KDR: variants seen among roughly 807,000 people sequenced by gnomAD.
KDR encodes the protein kinase insert domain receptor, also known as vascular endothelial growth factor receptor 2.
KDR carries 43 observed loss-of-function variants against 160.9 expected under a neutral mutation model. That is an observed-to-expected ratio of 0.27 (90% confidence interval 0.21 to 0.34). The LOEUF (loss-of-function observed/expected upper bound fraction) is 0.34, where lower values mean the gene tolerates loss of function less well. Ranked by LOEUF, KDR falls within the 10% of genes least tolerant of loss-of-function variation. The pLI, the probability that KDR is intolerant of heterozygous loss-of-function variation, is 1.00. For synonymous variants in KDR, 617 were observed against 600.1 expected (o/e 1.03, Z -0.41); for missense variants, 1,469 against 1,666.4 (o/e 0.88, Z 2.06).
chr4:55,118,659 G>A lies in KDR; in HGVS notation c.303C>T (p.Tyr101=), dbSNP rs745850042. The stretch of plus-strand genomic sequence containing the variant: ...AGTCAGTTTCCCGGTAGAAGCACTT[G>A]TAGGCTCCAGTGTCATTTCCGATCA... The part of the protein sequence containing the change: ...PKVIGNDTGA[Y]KCFYRETDLA... The change falls in exon 3 of 30, where the codon TAC becomes TAT. Residue 101 remains tyrosine (Y), a synonymous_variant. Coordinates refer to ENST00000263923, the MANE Select transcript of KDR (RefSeq NM_002253.4). 4 of 1,614,156 alleles carry A rather than the reference G, an allele frequency of 2.5e-6. No individual in the cohort carries two copies. The South Asian group carries it at 4.4e-5, about 18-fold the overall frequency.
intron 29 of KDR, among the ~76,000 whole-genome samples, chr4:55,080,686 C>T (rs747500176): frequency 2.9e-4 from 44 of 152,192 alleles, no homozygotes; most frequent in Non-Finnish European, 5.4e-4. Flanking sequence ...ATATCAAACG[C>T]TGCTTTTTAC....
At chr4:55,091,932 T>G (rs748938988) in intron 22 of KDR, among the ~76,000 whole-genome samples, 1 of 152,230 alleles carries the variant, frequency 6.6e-6, no homozygotes, top group African/African-American at 2.4e-5. Flanking sequence ...TGGCCTACTT[T>G]TCTAATTTTA....
chr4:55,107,794 G>T lies in KDR; in HGVS notation c.1355C>A (p.Pro452His). Residue 452 changes from proline (P) to histidine (H), a missense_variant, in exon 10 of 30, where the codon CCC becomes CAC. Transcript: ENST00000263923. ...TLTCTVYAIP[P>H]PHHIHWYWQL... ...CCAATACCAGTGGATGTGATGCGGG[G>T]GAGGAATGGCATAGACCGTACATGT... The T allele has an allele frequency of 6.2e-7, 1 of 1,613,990 alleles. No individual in the cohort carries two copies. The highest frequency in any genetic ancestry group is 8.5e-7 in the Non-Finnish European group (1 of 1,179,920).
intron 16 of KDR, 62 bp downstream of exon 16, chr4:55,098,635 A>G (rs762294801): frequency 8.1e-7 from 1 of 1,227,944 alleles, no homozygotes; most frequent in Non-Finnish European, 1.2e-6. Flanking sequence ...AAAGAACCCC[A>G]GTCAGTTTTC....
At chr4:55,117,659 G>A (rs1185694936) in intron 3 of KDR, among the ~76,000 whole-genome samples, 2 of 152,176 alleles carry the variant, frequency 1.3e-5, no homozygotes, top group African/African-American at 4.8e-5. Flanking sequence ...TGTAAAAGCT[G>A]CTTCTGGGAA....
At chr4:55,093,371 G>A (rs1055399103) in intron 21 of KDR, among the ~76,000 whole-genome samples, 2 of 152,328 alleles carry the variant, frequency 1.3e-5, no homozygotes, top group East Asian at 1.9e-4. Flanking sequence ...TTAAATGGGT[G>A]TTTCAAAATC....
chr4:55,105,393 G>C (rs1326481901), intron 12 of KDR, among the ~76,000 whole-genome samples: 1 of 152,170 alleles, frequency 6.6e-6, no homozygotes. Flanking sequence ...ATCAGCTAAA[G>C]CTTATCCATA....
At chr4:55,110,175 T>C (rs1214648160) in intron 9 of KDR, among the ~76,000 whole-genome samples, 2 of 152,188 alleles carry the variant, frequency 1.3e-5, no homozygotes, top group Admixed American at 1.3e-4. Flanking sequence ...ACTTTAATCT[T>C]GCATTTGTCC....
chr4:55,115,925 G>A (rs1456837902), intron 3 of KDR, among the ~76,000 whole-genome samples: 1 of 152,152 alleles, frequency 6.6e-6, no homozygotes, highest in Non-Finnish European at 1.5e-5. Flanking sequence ...TAGATTAACA[G>A]GAAACAGCTA....
Position 55,101,361 on chromosome 4 carries a change from T to G in KDR, c.2266+536A>C, listed in dbSNP as rs187029418. ...GTTTGCTGGTTAAAAGAATACATAC[T>G]CACTGAGAAAATTTACAAAGTACAA... On this transcript the variant is annotated intron_variant, in intron 15 of 29. Coordinates refer to ENST00000263923, the MANE Select transcript of KDR (RefSeq NM_002253.4). Among the ~76,000 whole-genome samples, 60 of 152,284 alleles carry G rather than the reference T, an allele frequency of 3.9e-4. 1 individual carries two copies. The highest frequency in any genetic ancestry group is 3.4e-3 in the Admixed American group (52 of 15,298).
intron 11 of KDR, 106 bp downstream of exon 11, chr4:55,106,581 T>C (rs1720449759): frequency 1.1e-6 from 1 of 881,792 alleles, no homozygotes; most frequent in Admixed American, 1.8e-5. Flanking sequence ...CTCTATTTAA[T>C]CATCCAGACT....
chr4:55,085,027 G>C (rs1719827205), intron 27 of KDR, among the ~76,000 whole-genome samples: 1 of 152,154 alleles, frequency 6.6e-6, no homozygotes, highest in Non-Finnish European at 1.5e-5. Flanking sequence ...ACAAAATGAA[G>C]AAAATGGTAT....
Position 55,082,627 on chromosome 4 carries a change from A to T in KDR, c.3671T>A (p.Leu1224Gln), listed in dbSNP as rs1273220442. 6 of 1,612,938 alleles carry T rather than the reference A, an allele frequency of 3.7e-6. No homozygotes were observed. Among genetic ancestry groups the T allele is most frequent in the Non-Finnish European group, 4.2e-6 (5 of 1,179,096 alleles). ...YDNTAGISQY[L>Q]QNSKRKSRPV... ...CCGGCTCTTTCGCTTACTGTTCTGC[A>T]GATACTGACTGCAAAAGAACAAATA... The change falls in exon 28 of 30, where the codon CTG becomes CAG. Residue 1224 changes from leucine (L) to glutamine (Q), a missense_variant. Around this residue, in one of 7 missense-constraint regions of KDR, gnomAD observed 229 missense variants for 197.8 expected, o/e 1.16. Coordinates refer to ENST00000263923, the MANE Select transcript of KDR (RefSeq NM_002253.4).
intron 7 of KDR, among the ~76,000 whole-genome samples, chr4:55,112,458 A>C (rs1720615807): frequency 6.6e-6 from 1 of 152,046 alleles, no homozygotes; most frequent in South Asian, 2.1e-4. Context: ...TTATGTTATC[A>C]GTAGGGCTTC....
intron 12 of KDR, 141 bp from the exon 13 acceptor site, chr4:55,105,125 A>G: frequency 4.2e-6 from 3 of 709,810 alleles, no homozygotes; most frequent in Admixed American, 2.3e-5. Context: ...AACTTGACAA[A>G]CAAACTAGAC....
rs1720705229 is a variant in KDR, at chr4:55,115,284, A to G, written c.486T>C (p.Cys162=). Residue 162 remains cysteine, a synonymous_variant, in exon 4 of 30, where the codon TGT becomes TGC. Coordinates refer to ENST00000263923, the MANE Select transcript of KDR (RefSeq NM_002253.4). ...GATTGGAGGAGATGCAACTTACTGC[A>G]CAAAGTGACACGTTGAGATTTGAAA... is the stretch of plus-strand genomic sequence containing the variant. ...GSISNLNVSL[C]ARYPEKRFVP... is the part of the protein sequence containing the mutation. 1 of 1,611,688 alleles carries G rather than the reference A, an allele frequency of 6.2e-7. No homozygotes were observed. The highest frequency in any genetic ancestry group is 8.5e-7 in the Non-Finnish European group (1 of 1,177,812).
chr4:55,111,028 T>A (rs1447766304), intron 7 of KDR, among the ~76,000 whole-genome samples: 1 of 152,144 alleles, frequency 6.6e-6, no homozygotes, highest in African/African-American at 2.4e-5. Context: ...AAGTCTCAAC[T>A]CAAACACTTG....
intron 27 of KDR, among the ~76,000 whole-genome samples, chr4:55,085,429 G>A (rs565943899): frequency 6.6e-6 from 1 of 152,302 alleles, no homozygotes; most frequent in African/African-American, 2.4e-5. Context: ...ATTAGAAGGA[G>A]AAAGACTGCT....
chr4:55,115,179 G>A (rs113465760), intron 4 of KDR, 102 bp downstream of exon 4: 3 of 1,268,354 alleles, frequency 2.4e-6, no homozygotes, highest in South Asian at 1.2e-5. Context: ...CTTCCTAAAG[G>A]ATCCTTAAAA....
Sources: allele counts gnomAD v4.1 joint callset (sites outside exome capture counted in the v4.1 genomes callset), GRCh38; gene constraint gnomAD v4.1.1; regional missense constraint gnomAD v4.1.1; transcripts MANE v1.5; gene names NCBI Gene and HGNC (gene_info 2026-07-23, HGNC 2026-07-21).